Variants in PAPPA observed in about 807,000 individuals in gnomAD.
The protein encoded by PAPPA is pappalysin-1.
A neutral mutation model predicts 164.0 loss-of-function variants in PAPPA; 60 were observed. The observed-to-expected ratio is 0.37, with a 90% confidence interval of 0.30 to 0.45. The LOEUF (loss-of-function observed/expected upper bound fraction) is 0.45. Ranked by LOEUF, PAPPA falls within the 20% of genes least tolerant of loss-of-function variation. The pLI is 1.00. For synonymous variants in PAPPA, 875 were observed against 814.1 expected (o/e 1.07, Z -1.27); for missense variants, 1,782 against 2,087.3 (o/e 0.85, Z 2.85).
At chr9:116,201,357 C>T (rs1844169106) in intron 2 of PAPPA, among the ~76,000 whole-genome samples, 1 of 152,192 alleles carries the variant, frequency 6.6e-6, no homozygotes, top group Non-Finnish European at 1.5e-5. Context: ...ACTTGAGAAC[C>T]TCCTTGGGAA....
chr9:116,291,425 A>C (rs1350588393), intron 9 of PAPPA, among the ~76,000 whole-genome samples: 1 of 152,158 alleles, frequency 6.6e-6, no homozygotes, highest in Non-Finnish European at 1.5e-5. Flanking sequence ...ACCTCTTTAT[A>C]ATTAATATTT....
At chr9:116,315,189 C>T (rs1845772678) in intron 10 of PAPPA, among the ~76,000 whole-genome samples, 1 of 152,202 alleles carries the variant, frequency 6.6e-6, no homozygotes, top group Non-Finnish European at 1.5e-5. Context: ...TCAAAGCAGG[C>T]AGGGCCTTCT....
chr9:116,154,561 G>A lies in PAPPA; in HGVS notation c.389G>A (p.Gly130Asp). Residue 130 changes from glycine to aspartate, a missense_variant, in exon 1 of 22, where the codon GGC becomes GAC. Coordinates refer to ENST00000328252, the MANE Select transcript of PAPPA (RefSeq NM_002581.5). The surrounding 1 kb of genome is among the most constrained non-coding windows in gnomAD (Gnocchi z 5.2). ...CAAGTGTGGCTGCGAGCGGAGGGGGGCCAGAGGTCTCCGGCAGTGATCACA... is the reference window on the plus strand; with the variant it reads ...CAAGTGTGGCTGCGAGCGGAGGGGGACCAGAGGTCTCCGGCAGTGATCACA... Reference protein sequence around the residue: ...TLQVWLRAEGGQRSPAVITGL... With the variant: ...TLQVWLRAEGDQRSPAVITGL... 1 of 1,405,056 alleles carries A rather than the reference G, an allele frequency of 7.1e-7. No individual in the cohort carries two copies. The allele number at this position is 1,405,056 out of a possible 1,614,324, so 87.0% of individuals were successfully genotyped here. A position where few individuals can be genotyped will look rare whatever the true frequency, so the allele number is the denominator to read the frequency against.
chr9:116,159,892 C>A (rs1843647979), intron 1 of PAPPA, among the ~76,000 whole-genome samples: 1 of 152,152 alleles, frequency 6.6e-6, no homozygotes. Flanking sequence ...GGACCAGGGT[C>A]ACACAAAATT....
intron 19 of PAPPA, among the ~76,000 whole-genome samples, chr9:116,371,942 C>T (rs1588024754): frequency 6.6e-6 from 1 of 152,132 alleles, no homozygotes; most frequent in African/African-American, 2.4e-5. Context: ...CCTATCACTA[C>T]GAATTGGTTT....
intron 7 of PAPPA, among the ~76,000 whole-genome samples, chr9:116,247,773 G>A (rs1241958886): frequency 2.0e-5 from 3 of 152,118 alleles, no homozygotes; most frequent in African/African-American, 4.8e-5. Flanking sequence ...GTGGGTTTAT[G>A]TTGTGTCTGT....
chr9:116,261,078 C>T (rs1284655004), intron 7 of PAPPA, among the ~76,000 whole-genome samples: 2 of 152,124 alleles, frequency 1.3e-5, no homozygotes, highest in Non-Finnish European at 2.9e-5. Context: ...CTTAATCTTC[C>T]TAAGTGTTAG....
At chr9:116,282,956 T>C (rs934315324) in intron 9 of PAPPA, among the ~76,000 whole-genome samples, 1 of 152,184 alleles carries the variant, frequency 6.6e-6, no homozygotes, top group African/African-American at 2.4e-5. Flanking sequence ...GATGTTAACA[T>C]AAAGCAAATA....
At position 116,188,060 on chromosome 9, in the gene PAPPA, G is replaced by A. The variant is rs190714711; in HGVS notation, c.1322G>A (p.Arg441His). ...ACGGGCCACGACGGCGGGGATTGCC[G>A]CCACCTGCGCCACCCTGCCTTCGTG... ...TLTGHDGGDCRHLRHPAFVKK... is the reference protein window; with the variant it reads ...TLTGHDGGDCHHLRHPAFVKK... The change falls in exon 2 of 22, where the codon CGC becomes CAC. Residue 441 changes from arginine to histidine, a missense_variant. Physicochemically the swap from Arg to His is conservative, Grantham distance 29. Coordinates refer to ENST00000328252, the MANE Select transcript of PAPPA (RefSeq NM_002581.5). The A allele has an allele frequency of 5.5e-5, 89 of 1,614,180 alleles. 1 individual carries two copies. In the Middle Eastern group the frequency reaches 8.2e-4, roughly 15 times the overall value.
intron 9 of PAPPA, among the ~76,000 whole-genome samples, chr9:116,281,336 T>A (rs1845264302): frequency 6.6e-6 from 1 of 152,120 alleles, no homozygotes; most frequent in South Asian, 2.1e-4. Flanking sequence ...AATCATTTCA[T>A]CCATCTCCCT....
chr9:116,235,937 AGT>A (rs1844659873), intron 7 of PAPPA, among the ~76,000 whole-genome samples: 2 of 152,232 alleles, frequency 1.3e-5, no homozygotes, highest in African/African-American at 4.8e-5. Flanking sequence ...GTTGGATGAG[AGT>A]AGCAGTGAGA....
At chr9:116,207,265 C>T (rs529143554) in intron 2 of PAPPA, among the ~76,000 whole-genome samples, 191 bp from the exon 3 acceptor site, 114 of 152,226 alleles carry the variant, frequency 7.5e-4, no homozygotes, top group African/African-American at 2.6e-3. Context: ...CTAAAACTCT[C>T]GAGAACTTAA....
rs778522678 is a variant in PAPPA, at chr9:116,187,926, C to A, written c.1188C>A (p.Asp396Glu). ...FKQYNISWEL[D>E]VLEVSNSSLR... The stretch of plus-strand genomic sequence containing the variant: ...AATACAACATCTCCTGGGAGCTGGA[C>A]GTGCTGGAGGTGAGCAACTCCTCCC... The change falls in exon 2 of 22, where the codon GAC (aspartate) becomes GAA (glutamate). Residue 396 changes from aspartate (D) to glutamate (E), a missense_variant. This residue lies in a region of PAPPA where 1,324 missense variants were observed against 1,656.9 expected (regional missense o/e 0.80). Transcript: ENST00000328252. This position sits in a 1 kb window ranked among gnomAD's most constrained non-coding sequence, Gnocchi z 4.2. The A allele has an allele frequency of 3.1e-6, 5 of 1,614,014 alleles. No individual in the cohort carries two copies. Among genetic ancestry groups the A allele is most frequent in the Admixed American group, 3.3e-5 (2 of 59,998 alleles).
intron 3 of PAPPA, among the ~76,000 whole-genome samples, chr9:116,210,794 G>C (rs898801338): frequency 6.6e-6 from 1 of 152,064 alleles, no homozygotes; most frequent in Non-Finnish European, 1.5e-5. Context: ...GTAGGTCTGG[G>C]GTGAGGCCCG....
At chr9:116,393,849 G>A (rs750884910) in intron 21 of PAPPA, among the ~76,000 whole-genome samples, 110 of 152,098 alleles carry the variant, frequency 7.2e-4, no homozygotes, top group Non-Finnish European at 1.2e-3. Context: ...AGAGTGAGGA[G>A]GAGAAGGAAA....
Position 116,154,480 on chromosome 9 carries a change from G to A in PAPPA, c.308G>A (p.Gly103Asp), listed in dbSNP as rs1412540758. 1.1e-5 allele frequency: 14 copies of A among 1,305,136 alleles called. No individual in the cohort carries two copies. Among genetic ancestry groups the A allele is most frequent in the East Asian group, 3.1e-5 (1 of 31,900 alleles). 80.8% of individuals were successfully genotyped at this position (1,305,136 alleles called of 1,614,324 possible). Residue 103 changes from glycine to aspartate, a missense_variant, in exon 1 of 22, where the codon GGC becomes GAC. This residue lies in a region of PAPPA where 458 missense variants were observed against 430.3 expected (regional missense o/e 1.06). Transcript: ENST00000328252. This position sits in a 1 kb window ranked among gnomAD's most constrained non-coding sequence, Gnocchi z 5.2. ...PSRALYFSGRGEQLRLRADLE... is the reference protein window; with the variant it reads ...PSRALYFSGRDEQLRLRADLE... ...CGGGCGCTCTATTTCAGCGGGCGAG[G>A]CGAGCAGCTGCGCCTCCGGGCCGAC... is the stretch of plus-strand genomic sequence containing the variant.
At chr9:116,309,952 C>A (rs1464979214) in intron 10 of PAPPA, among the ~76,000 whole-genome samples, 4 of 152,206 alleles carry the variant, frequency 2.6e-5, no homozygotes, top group Admixed American at 1.3e-4. Flanking sequence ...ATATTCCTCT[C>A]TCAAAATGAA....
intron 10 of PAPPA, among the ~76,000 whole-genome samples, chr9:116,330,172 A>G (rs1325032329): frequency 2.0e-5 from 3 of 152,196 alleles, no homozygotes; most frequent in Admixed American, 6.5e-5. Context: ...ACAGGCCCAA[A>G]TTCACAGGGA....
intron 7 of PAPPA, among the ~76,000 whole-genome samples, chr9:116,263,726 C>A (rs1845030584): frequency 6.6e-6 from 1 of 151,992 alleles, no homozygotes; most frequent in Admixed American, 6.6e-5. Flanking sequence ...GTGAGGCAGC[C>A]AGGACAGAAA....
Sources: allele counts gnomAD v4.1 joint callset (sites outside exome capture counted in the v4.1 genomes callset), GRCh38; gene constraint gnomAD v4.1.1; regional missense constraint gnomAD v4.1.1; non-coding constraint Gnocchi (gnomAD v3.1); transcripts MANE v1.5; gene names NCBI Gene and HGNC (gene_info 2026-07-23, HGNC 2026-07-21).